LINGO2: variants seen among roughly 807,000 people sequenced by gnomAD.
LINGO2 encodes leucine rich repeat and Ig domain containing 2, also known as leucine-rich repeat and immunoglobulin-like domain-containing nogo receptor-interacting protein 2.
A neutral mutation model predicts 30.6 loss-of-function variants in LINGO2; 14 were observed. The ratio of observed to expected loss-of-function variants is 0.46; its 90% CI spans 0.30 to 0.72. The LOEUF (loss-of-function observed/expected upper bound fraction) is 0.72. Among genes scored for constraint, LINGO2 ranks in the 30% least tolerant of loss-of-function variants. The pLI is 0.07. For synonymous variants in LINGO2, 317 were observed against 288.5 expected, an observed-to-expected ratio of 1.10 and a Z score of -1.00; for missense variants, 729 against 751.7, an observed-to-expected ratio of 0.97 and a Z score of 0.35.
At chr9:28,062,993 A>G (rs987205676) in intron 4 of LINGO2, among the ~76,000 whole-genome samples, 3 of 152,088 alleles carry the variant, frequency 2.0e-5, no homozygotes, top group Admixed American at 6.6e-5. Context: ...TTATTACTAC[A>G]TGTACTCCTT....
intron 4 of LINGO2, among the ~76,000 whole-genome samples, chr9:28,070,334 C>T (rs77198986): frequency 0.03 from 4,624 of 152,198 alleles, 126 homozygotes; most frequent in Admixed American, 0.08. Context: ...TCTCTTTCCT[C>T]TCTAATCCTT....
the LINGO2 span, among the ~76,000 whole-genome samples, chr9:29,198,185 G>C: frequency 1.3e-5 from 2 of 152,038 alleles, no homozygotes; most frequent in Non-Finnish European, 2.9e-5. Context: ...ATGTTAAAAG[G>C]AGGCATTTTC....
At chr9:28,464,511 T>C (rs1825219120) in intron 2 of LINGO2, among the ~76,000 whole-genome samples, 1 of 152,228 alleles carries the variant, frequency 6.6e-6, no homozygotes, top group African/African-American at 2.4e-5. Context: ...CAGTTCCTTA[T>C]ATGCAAAACT....
the LINGO2 span, among the ~76,000 whole-genome samples, chr9:29,128,745 T>C: frequency 2.0e-5 from 3 of 152,138 alleles, no homozygotes; most frequent in South Asian, 2.1e-4. Context: ...TGCTATCTCA[T>C]GGCTAGAGTT....
At chr9:28,457,051 C>A (rs1824878117) in intron 2 of LINGO2, among the ~76,000 whole-genome samples, 1 of 152,108 alleles carries the variant, frequency 6.6e-6, no homozygotes, top group Admixed American at 6.6e-5. Context: ...TATAAACTAG[C>A]CACTTAAATC....
intron 4 of LINGO2, among the ~76,000 whole-genome samples, chr9:28,145,595 C>T (rs1827790844): frequency 6.6e-6 from 1 of 151,996 alleles, no homozygotes; most frequent in Non-Finnish European, 1.5e-5. Flanking sequence ...AACATCTGCT[C>T]CAGATTTGAG....
At chr9:28,104,472 T>C (rs1373175375) in intron 4 of LINGO2, among the ~76,000 whole-genome samples, 1 of 151,908 alleles carries the variant, frequency 6.6e-6, no homozygotes, top group Non-Finnish European at 1.5e-5. Flanking sequence ...ATCTCATATT[T>C]TGTATGAGGC....
intron 1 of LINGO2, among the ~76,000 whole-genome samples, chr9:28,623,084 G>A (rs1826485970): frequency 6.6e-6 from 1 of 151,854 alleles, no homozygotes; most frequent in Admixed American, 6.6e-5. Context: ...GTATATTCTG[G>A]TTATTAATCC....
At chr9:28,576,788 T>C (rs1006280751) in intron 1 of LINGO2, among the ~76,000 whole-genome samples, 6 of 152,170 alleles carry the variant, frequency 3.9e-5, no homozygotes, top group African/African-American at 1.4e-4. Flanking sequence ...ATCTGTGAGA[T>C]TTTGGTGTAC....
At chr9:28,820,729 G>A in the LINGO2 span, among the ~76,000 whole-genome samples, 1 of 152,194 alleles carries the variant, frequency 6.6e-6, no homozygotes, top group African/African-American at 2.4e-5. Flanking sequence ...CACAGAGTGG[G>A]CACAGAAAGT....
chr9:28,011,332 G>A (rs900567698), intron 5 of LINGO2, among the ~76,000 whole-genome samples: 3 of 152,148 alleles, frequency 2.0e-5, no homozygotes, highest in African/African-American at 7.2e-5. Context: ...GACAGGCCTG[G>A]ATATTTGGAG....
At chr9:27,998,883 T>C (rs1821802171) in intron 5 of LINGO2, among the ~76,000 whole-genome samples, 1 of 152,240 alleles carries the variant, frequency 6.6e-6, no homozygotes, top group African/African-American at 2.4e-5. Context: ...TAAACTATTA[T>C]TATGAGGTGG....
intron 4 of LINGO2, among the ~76,000 whole-genome samples, chr9:28,271,641 G>A (rs945943321): frequency 1.3e-5 from 2 of 152,128 alleles, no homozygotes; most frequent in Admixed American, 1.3e-4. Flanking sequence ...AGATGACAAT[G>A]GTTTCCACTG....
chr9:28,452,176 G>T (rs1587693893), intron 2 of LINGO2, among the ~76,000 whole-genome samples: 1 of 151,690 alleles, frequency 6.6e-6, no homozygotes, highest in Admixed American at 6.6e-5. Flanking sequence ...ATTTTCATAT[G>T]TAAACTAAGT....
At chr9:28,264,659 G>A (rs1178061565) in intron 4 of LINGO2, among the ~76,000 whole-genome samples, 1 of 151,870 alleles carries the variant, frequency 6.6e-6, no homozygotes, top group Non-Finnish European at 1.5e-5. Flanking sequence ...GGACACACTG[G>A]ATTTGTATTC....
intron 4 of LINGO2, among the ~76,000 whole-genome samples, chr9:28,063,362 A>T (rs1825215203): frequency 6.6e-6 from 1 of 152,136 alleles, no homozygotes; most frequent in Non-Finnish European, 1.5e-5. Context: ...AGAGTCATGT[A>T]ATATATGCCA....
chr9:28,607,696 C>A (rs1466818297), intron 1 of LINGO2, among the ~76,000 whole-genome samples: 1 of 151,964 alleles, frequency 6.6e-6, no homozygotes, highest in African/African-American at 2.4e-5. Flanking sequence ...GAAAAAGAGA[C>A]CAAAAATTCC....
intron 4 of LINGO2, among the ~76,000 whole-genome samples, chr9:28,017,968 A>G (rs1822923923): frequency 6.6e-6 from 1 of 152,124 alleles, no homozygotes; most frequent in Non-Finnish European, 1.5e-5. Context: ...TTACAAATCC[A>G]TAGAGTAACC....
At chr9:28,792,503 C>T in the LINGO2 span, among the ~76,000 whole-genome samples, 33 of 151,738 alleles carry the variant, frequency 2.2e-4, no homozygotes, top group African/African-American at 6.5e-4. Context: ...TGTATGCATG[C>T]GAAAGAGAAT....
Sources: gnomAD v4.1 joint callset for allele counts (sites outside exome capture counted in the v4.1 genomes callset) on GRCh38, gnomAD v4.1.1 for gene constraint, MANE v1.5 for transcripts, NCBI Gene and HGNC (gene_info 2026-07-23, HGNC 2026-07-21) for gene names.